TMEM40: variants seen among roughly 807,000 people sequenced by gnomAD.
The protein encoded by TMEM40 is transmembrane protein 40.
TMEM40 carries 34 observed loss-of-function variants against 40.8 expected under a neutral mutation model. That is an observed-to-expected ratio of 0.83 (90% CI 0.63 to 1.11). TMEM40 has a LOEUF of 1.11. Among genes scored for constraint, TMEM40 ranks in the 50% least tolerant of loss-of-function variants. TMEM40 has a pLI of 0.00. For synonymous variants in TMEM40, 106 were observed against 107.0 expected, an observed-to-expected ratio of 0.99 and a Z score of 0.06; for missense variants, 296 against 280.2, an observed-to-expected ratio of 1.06 and a Z score of -0.40.
chr3:12,766,594 CA>C (rs57274225), intron 1 of TMEM40, among the ~76,000 whole-genome samples: 14,510 of 94,880 alleles, frequency 0.15, 2,237 homozygotes, highest in African/African-American at 0.42. Context: ...GACTCCATCT[CA>C]AAAAAAAAAA....
At chr3:12,744,746 C>G (rs1217746639) in intron 3 of TMEM40, among the ~76,000 whole-genome samples, 1 of 152,152 alleles carries the variant, frequency 6.6e-6, no homozygotes, top group Non-Finnish European at 1.5e-5. Context: ...CCAGAAGACT[C>G]CTTTATCCCA....
At position 12,738,818 on chromosome 3, in the gene TMEM40, A is replaced by G. The variant is rs1166238235; in HGVS notation, c.356-230T>C. The G allele has an allele frequency of 9.0e-5, 45 of 502,736 alleles. No homozygotes were observed. In the East Asian group the frequency reaches 1.3e-3, roughly 15 times the overall value. The allele number at this position is 502,736 out of a possible 1,614,324, so 31.1% of individuals were successfully genotyped here. On this transcript the variant is annotated intron_variant, in intron 5 of 11. Transcript: ENST00000314124. ...CCTACCCACTCTTACAGGTCTGTCA[A>G]TTTCCCCAGAGAAGCCAGGTTTTCA...
Position 12,734,727 on chromosome 3 carries a change from T to G in TMEM40, c.*47A>C. The G allele has an allele frequency of 6.3e-7, 1 of 1,576,546 alleles. No homozygotes were observed. The highest frequency in any genetic ancestry group is 2.3e-5 in the East Asian group (1 of 42,704). ...GCCCTTGTGGGCTCAGGGGTCGCAG[T>G]GGTGGTCACACTGGGGCCTGCCTCT... is the stretch of plus-strand genomic sequence containing the variant. On this transcript the variant is annotated 3_prime_UTR_variant, in exon 12 of 12. Coordinates refer to ENST00000314124, the MANE Select transcript of TMEM40 (RefSeq NM_018306.4).
chr3:12,746,395 T>C (rs945504134), intron 3 of TMEM40, among the ~76,000 whole-genome samples: 1 of 152,332 alleles, frequency 6.6e-6, no homozygotes, highest in East Asian at 1.9e-4. Context: ...TGATTTGTTT[T>C]CTCATATTTT....
At chr3:12,755,786 GC>G (rs2061522756) in intron 1 of TMEM40, among the ~76,000 whole-genome samples, 1 of 152,156 alleles carries the variant, frequency 6.6e-6, no homozygotes, top group Non-Finnish European at 1.5e-5. Flanking sequence ...GTTGATTGTG[GC>G]CACGTCTTCC....
At chr3:12,734,847 A>G in intron 11 of TMEM40, 54 bp from the exon 12 acceptor site, 1 of 1,568,614 alleles carries the variant, frequency 6.4e-7, no homozygotes, top group Admixed American at 1.9e-5. Context: ...GCCAGGCTTC[A>G]TCCCCACCAT....
rs182067318 is a variant in TMEM40 at position 12,758,640 on chromosome 3, C to T, written c.-9+551G>A. Among the ~76,000 whole-genome samples, 12 of 152,308 alleles carry T rather than the reference C, an allele frequency of 7.9e-5. No individual in the cohort carries two copies. In the East Asian group the frequency reaches 9.6e-4, roughly 12 times the overall value. Reference sequence around the variant, plus strand: ...CCCGGGGGTGCCTTTGAGCTGGAGGCAGAGGACGGCTGACTTCTTCCTTCC... The same window carrying T: ...CCCGGGGGTGCCTTTGAGCTGGAGGTAGAGGACGGCTGACTTCTTCCTTCC... On this transcript the variant is annotated intron_variant, in intron 1 of 11. Transcript: ENST00000314124.
chr3:12,756,778 C>CGTCTCT (rs1559534147), intron 1 of TMEM40, among the ~76,000 whole-genome samples: 1 of 150,432 alleles, frequency 6.6e-6, no homozygotes, highest in Non-Finnish European at 1.5e-5. Flanking sequence ...TACCCACCTC[C>CGTCTCT]CTCTCTCTCT....
Position 12,738,516 on chromosome 3 carries a change from A to T in TMEM40, c.391+37T>A, listed in dbSNP as rs375603594. 3.5e-5 allele frequency: 56 copies of T among 1,612,476 alleles called. No homozygotes were observed. In the African/African-American group the frequency reaches 6.3e-4, roughly 18 times the overall value. On this transcript the variant is annotated intron_variant, in intron 6 of 11. Transcript: ENST00000314124. ...TGATGCCTAGACCTGGCTCAATACC[A>T]GCACCAACGACCTCTCTCCTCTAAC...
upstream of TMEM40, among the ~76,000 whole-genome samples, chr3:12,761,791 G>C (rs534206488): frequency 1.3e-3 from 201 of 152,154 alleles, 2 homozygotes; most frequent in African/African-American, 4.7e-3. Context: ...GCCACATGCG[G>C]TTATGGAGCC....
chr3:12,742,591 A>G (rs1421724430), intron 4 of TMEM40, 84 bp from the exon 5 acceptor site: 24 of 1,511,518 alleles, frequency 1.6e-5, no homozygotes, highest in Non-Finnish European at 2.2e-5. Flanking sequence ...TCGACGCTTA[A>G]GAAGTACCAC....
intron 1 of TMEM40, among the ~76,000 whole-genome samples, chr3:12,755,903 T>G (rs1360515041): frequency 6.6e-6 from 1 of 152,194 alleles, no homozygotes; most frequent in Non-Finnish European, 1.5e-5. Context: ...GCCCCCTTCT[T>G]GTTGACAAGT....
At chr3:12,747,203 T>G (rs1226274204) in intron 3 of TMEM40, among the ~76,000 whole-genome samples, 3 of 151,628 alleles carry the variant, frequency 2.0e-5, no homozygotes, top group Admixed American at 2.0e-4. Flanking sequence ...TTTTTTTTCC[T>G]TCCAGCCCAG....
Position 12,742,452 on chromosome 3 carries a change from A to G in TMEM40, c.355+2T>C. 1 of 1,613,286 alleles carries G rather than the reference A, an allele frequency of 6.2e-7. No individual in the cohort carries two copies. The highest frequency in any genetic ancestry group is 8.5e-7 in the Non-Finnish European group (1 of 1,179,490). On this transcript the variant is annotated splice_donor_variant, in intron 5 of 11. Coordinates refer to ENST00000314124, the MANE Select transcript of TMEM40 (RefSeq NM_018306.4). LOFTEE classifies it high-confidence loss of function. ...CTCCAAAGCTACTGGGCAACTGATT[A>G]CCTCCATAGAGTTGAAGCTCATCCT... is the stretch of plus-strand genomic sequence containing the variant.
chr3:12,734,815 A>G, intron 11 of TMEM40, 22 bp from the exon 12 acceptor site: 1 of 1,595,912 alleles, frequency 6.3e-7, no homozygotes, highest in Middle Eastern at 1.7e-4. Context: ...AGACCACAGG[A>G]TGGCATGGGA....
At chr3:12,767,537 A>G (rs1438731461) in intron 1 of TMEM40, among the ~76,000 whole-genome samples, 1 of 152,196 alleles carries the variant, frequency 6.6e-6, no homozygotes, top group African/African-American at 2.4e-5. Context: ...TGGGGTGAAG[A>G]GAGAAATGAA....
In TMEM40 at chr3:12,738,196, C is replaced by T. The variant is rs757698799; in HGVS notation, c.392-28G>A. The T allele has an allele frequency of 5.0e-6, 8 of 1,613,172 alleles. No homozygotes were observed. In the South Asian group the frequency reaches 7.7e-5, roughly 16 times the overall value. On this transcript the variant is annotated intron_variant, in intron 6 of 11. Transcript: ENST00000314124. ...GGAAACAAGAAACTCAACATTAGTG[C>T]CCAACCCCGCTTGGGGTCCTTAACA...
intron 6 of TMEM40, 118 bp downstream of exon 6, chr3:12,738,435 C>T: frequency 1.7e-6 from 2 of 1,204,956 alleles, no homozygotes; most frequent in East Asian, 4.7e-5. Flanking sequence ...GGACCTGGGG[C>T]TCCTGTTTCT....
At chr3:12,752,203 C>G (rs557657546) in intron 1 of TMEM40, among the ~76,000 whole-genome samples, 4 of 152,246 alleles carry the variant, frequency 2.6e-5, no homozygotes, top group South Asian at 4.1e-4. Context: ...ATCCTCCTGC[C>G]TCAACCTTCT....
Sources: allele counts gnomAD v4.1 joint callset (sites outside exome capture counted in the v4.1 genomes callset), GRCh38; gene constraint gnomAD v4.1.1; transcripts MANE v1.5; gene names NCBI Gene and HGNC (gene_info 2026-07-23, HGNC 2026-07-21).